The following ADAMTS18 variants were observed in gnomAD, a reference collection of about 807,000 sequenced individuals.
ADAMTS18 encodes A disintegrin and metalloproteinase with thrombospondin motifs 18.
ADAMTS18 carries 157 observed loss-of-function variants against 165.9 expected under a neutral mutation model. The observed-to-expected ratio is 0.95, with a 90% CI of 0.83 to 1.08. ADAMTS18 has a LOEUF of 1.08. Ranked by LOEUF, ADAMTS18 falls within the 50% of genes least tolerant of loss-of-function variation. The pLI, the probability that ADAMTS18 is intolerant of heterozygous loss-of-function variation, is 0.00. For synonymous variants in ADAMTS18, 782 were observed against 578.2 expected, an observed-to-expected ratio of 1.35 and a Z score of -5.06; for missense variants, 2,040 against 1,534.0, an observed-to-expected ratio of 1.33 and a Z score of -5.51.
intron 10 of ADAMTS18, among the ~76,000 whole-genome samples, chr16:77,349,226 G>A (rs901738583): frequency 6.6e-6 from 1 of 152,000 alleles, no homozygotes; most frequent in African/African-American, 2.4e-5. Context: ...AAGTCAAGCT[G>A]GGAACTCGGT....
In ADAMTS18 at chr16:77,319,323, C is replaced by T. The variant is rs559273740; in HGVS notation, c.2532+526G>A. On this transcript the variant is annotated intron_variant, in intron 16 of 22. Transcript: ENST00000282849. ...AAGCATATTGGTGAAAGGTTGACCT[C>T]TAAATATGAAAATCAACCCATTCTC... 7.9e-5 allele frequency among the ~76,000 whole-genome samples: 12 copies of T among 152,302 alleles called. No individual in the cohort carries two copies. The South Asian group carries it at 2.3e-3, about 29-fold the overall frequency.
chr16:77,322,266 G>A, intron 14 of ADAMTS18, 70 bp downstream of exon 14: 2 of 1,569,224 alleles, frequency 1.3e-6, no homozygotes, highest in Non-Finnish European at 1.7e-6. Flanking sequence ...TCACACCACT[G>A]TTCACGGTAC....
At chr16:77,387,229 T>C (rs1345220269) in intron 3 of ADAMTS18, among the ~76,000 whole-genome samples, 1 of 152,210 alleles carries the variant, frequency 6.6e-6, no homozygotes, top group African/African-American at 2.4e-5. Flanking sequence ...ATGCAAATTC[T>C]CTTCCTGTTA....
intron 13 of ADAMTS18, among the ~76,000 whole-genome samples, chr16:77,324,904 A>G (rs949766812): frequency 7.7e-6 from 1 of 129,122 alleles, no homozygotes; most frequent in African/African-American, 2.5e-5. Flanking sequence ...GTCTCTATCT[A>G]TACTTCCTGG....
At position 77,431,512 on chromosome 16, in the gene ADAMTS18, G is replaced by A. The variant is rs1436649686; in HGVS notation, c.278C>T (p.Ala93Val). ...AAATCGGTAGTGCAGGGAGCTTCTG[G>A]CATTCTGCGCCGATCGCTTTTTCCT... ...NGRKKRSAQN[A>V]RSSLHYRFSA... is the part of the protein sequence containing the mutation. Residue 93 changes from alanine to valine, a missense_variant, in exon 3 of 23, where the codon GCC (alanine) becomes GTC (valine). Coordinates refer to ENST00000282849, the MANE Select transcript of ADAMTS18 (RefSeq NM_199355.4). 2 of 1,614,182 alleles carry A rather than the reference G, an allele frequency of 1.2e-6. No individual in the cohort carries two copies. Among genetic ancestry groups the A allele is most frequent in the South Asian group, 2.2e-5 (2 of 91,086 alleles).
chr16:77,416,803 A>G (rs34746566), intron 3 of ADAMTS18, among the ~76,000 whole-genome samples: 25,575 of 152,184 alleles, frequency 0.17, 2,678 homozygotes, highest in Non-Finnish European at 0.24. Context: ...GACTAAAGGG[A>G]CAGAAGAGAT....
chr16:77,362,025 G>A (rs180811054), intron 7 of ADAMTS18, 80 bp downstream of exon 7: 5 of 1,457,630 alleles, frequency 3.4e-6, no homozygotes, highest in African/African-American at 2.8e-5. Flanking sequence ...GGAACATAAG[G>A]GCTATCCATC....
chr16:77,339,374 C>T (rs1199207660), intron 11 of ADAMTS18, among the ~76,000 whole-genome samples: 1 of 152,002 alleles, frequency 6.6e-6, no homozygotes, highest in Non-Finnish European at 1.5e-5. Context: ...CGTGGTGTGG[C>T]AGTTGTATCA....
chr16:77,412,684 G>C (rs568120252), intron 3 of ADAMTS18, among the ~76,000 whole-genome samples: 9 of 152,256 alleles, frequency 5.9e-5, no homozygotes, highest in Admixed American at 5.2e-4. Flanking sequence ...AGGCAAGAGA[G>C]AATGAGAACC....
chr16:77,427,722 G>A (rs2057691238), intron 3 of ADAMTS18, among the ~76,000 whole-genome samples: 1 of 152,224 alleles, frequency 6.6e-6, no homozygotes, highest in Admixed American at 6.5e-5. Flanking sequence ...CCTGTTTCAT[G>A]AATGAATTAT....
intron 3 of ADAMTS18, among the ~76,000 whole-genome samples, chr16:77,398,412 C>G (rs1039173870): frequency 6.6e-6 from 1 of 152,030 alleles, no homozygotes; most frequent in Non-Finnish European, 1.5e-5. Context: ...AGTGGTATAA[C>G]AATCACACAC....
At chr16:77,368,139 G>T (rs1375672395) in intron 3 of ADAMTS18, among the ~76,000 whole-genome samples, 1 of 152,092 alleles carries the variant, frequency 6.6e-6, no homozygotes, top group African/African-American at 2.4e-5. Flanking sequence ...ATGAGTCACC[G>T]TACCTGGCTG....
chr16:77,379,342 G>A (rs1271232387), intron 3 of ADAMTS18, among the ~76,000 whole-genome samples: 1 of 151,694 alleles, frequency 6.6e-6, no homozygotes, highest in Non-Finnish European at 1.5e-5. Flanking sequence ...ATCATGGGGA[G>A]AAGAACGCTT....
At chr16:77,333,024 A>G (rs971220842) in intron 12 of ADAMTS18, among the ~76,000 whole-genome samples, 2 of 152,178 alleles carry the variant, frequency 1.3e-5, no homozygotes, top group Non-Finnish European at 2.9e-5. Context: ...GACACTCACA[A>G]GGTTTGCCGG....
rs143503836 is a variant in ADAMTS18, at chr16:77,398,242, G to A, written c.496-30519C>T. On this transcript the variant is annotated intron_variant, in intron 3 of 22. Coordinates refer to ENST00000282849, the MANE Select transcript of ADAMTS18 (RefSeq NM_199355.4). ...TGAGGCAGAAGAATCACTTGAACCT[G>A]AGAGGCAGAGGTTGCAGTGAGCCAA... Among the ~76,000 whole-genome samples the A allele has an allele frequency of 3.0e-3, 450 of 152,124 alleles. 5 individuals carry two copies. Among genetic ancestry groups the A allele is most frequent in the African/African-American group, 0.011 (436 of 41,488 alleles).
intron 3 of ADAMTS18, among the ~76,000 whole-genome samples, chr16:77,415,598 C>T (rs1308424593): frequency 6.6e-6 from 1 of 151,910 alleles, no homozygotes; most frequent in Admixed American, 6.6e-5. Context: ...GATGTTCTGA[C>T]TAGTCAGTAT....
intron 3 of ADAMTS18, among the ~76,000 whole-genome samples, chr16:77,373,162 C>G (rs1199522675): frequency 6.6e-6 from 1 of 152,150 alleles, no homozygotes; most frequent in African/African-American, 2.4e-5. Flanking sequence ...TAAACACCAT[C>G]TTCTCAGAGA....
chr16:77,423,811 C>A (rs186556008), intron 3 of ADAMTS18, among the ~76,000 whole-genome samples: 43 of 152,200 alleles, frequency 2.8e-4, no homozygotes, highest in African/African-American at 1.0e-3. Context: ...TTCCCGCAAG[C>A]AGAATTGCCA....
chr16:77,420,731 G>T lies in ADAMTS18; in HGVS notation c.495+10564C>A, dbSNP rs558251577. Among the ~76,000 whole-genome samples, 6 of 152,274 alleles carry T rather than the reference G, an allele frequency of 3.9e-5. No homozygotes were observed. In the East Asian group the frequency reaches 9.7e-4, roughly 24 times the overall value. On this transcript the variant is annotated intron_variant, in intron 3 of 22. Transcript: ENST00000282849. ...ATTTAAAGAGTGAAAGTATATTGTG[G>T]TAATATTTTTTTCCCATTATGTCTC...
Sources: gnomAD v4.1 joint callset for allele counts (sites outside exome capture counted in the v4.1 genomes callset) on GRCh38, gnomAD v4.1.1 for gene constraint, MANE v1.5 for transcripts, NCBI Gene and HGNC (gene_info 2026-07-23, HGNC 2026-07-21) for gene names.